The following ZNF486 variants were observed in gnomAD, a reference collection of about 807,000 sequenced individuals.
ZNF486 encodes zinc finger protein 486, also known as KRAB box only protein 2.
A neutral mutation model predicts 12.8 loss-of-function variants in ZNF486; 12 were observed. The ratio of observed to expected loss-of-function variants is 0.94; its 90% CI spans 0.60 to 1.52. ZNF486 has a LOEUF of 1.52. ZNF486 is among the 40% of genes most tolerant of loss of function. The pLI is 0.00. For missense variants in ZNF486, 738 were observed against 545.0 expected (o/e 1.35, Z -3.53); for synonymous variants, 231 against 184.9 (o/e 1.25, Z -2.02).
chr19:20,170,125 CTGACCTT>C (rs1401461321), intron 1 of ZNF486, among the ~76,000 whole-genome samples: 391 of 151,204 alleles, frequency 2.6e-3, no homozygotes, highest in Middle Eastern at 0.01. Flanking sequence ...CTCCTGACCT[CTGACCTT>C]GTGATCCGCC....
At chr19:20,177,955 C>G (rs2089740975) in intron 1 of ZNF486, among the ~76,000 whole-genome samples, 1 of 130,602 alleles carries the variant, frequency 7.7e-6, no homozygotes, top group Non-Finnish European at 1.6e-5. Context: ...GAGACGAAGT[C>G]TCTCATCCCC....
intron 1 of ZNF486, among the ~76,000 whole-genome samples, chr19:20,173,493 G>A (rs1488316927): frequency 6.6e-6 from 1 of 152,006 alleles, no homozygotes; most frequent in East Asian, 1.9e-4. Context: ...AGCGCATACA[G>A]TATGCAAAAC....
intron 1 of ZNF486, chr19:20,175,445 G>T (rs1555714564): frequency 1.3e-5 from 2 of 151,084 alleles, no homozygotes; most frequent in African/African-American, 5.0e-5. Context: ...AGTGAACAAA[G>T]GTCTCTGGTT....
intron 3 of ZNF486, among the ~76,000 whole-genome samples, chr19:20,190,024 A>G (rs2089887267): frequency 6.6e-6 from 1 of 152,230 alleles, no homozygotes; most frequent in African/African-American, 2.4e-5. Context: ...CAGTGTTGAT[A>G]TTCAGTTTTC....
intron 3 of ZNF486, among the ~76,000 whole-genome samples, chr19:20,196,309 C>A (rs118168793): frequency 1.3e-5 from 2 of 152,176 alleles, no homozygotes; most frequent in East Asian, 1.9e-4. Flanking sequence ...AGCTATCATG[C>A]CTTGTTGGCA....
intron 1 of ZNF486, among the ~76,000 whole-genome samples, chr19:20,168,482 C>T (rs1311012629): frequency 2.6e-5 from 4 of 152,100 alleles, no homozygotes; most frequent in East Asian, 3.9e-4. Context: ...TGGAGAAACC[C>T]TGTCTCTATT....
intron 1 of ZNF486, among the ~76,000 whole-genome samples, chr19:20,180,245 A>T (rs1187093404): frequency 6.6e-6 from 1 of 152,174 alleles, no homozygotes; most frequent in Non-Finnish European, 1.5e-5. Context: ...CTCATACAAG[A>T]GGTGCCTTTT....
At chr19:20,168,447 G>A (rs1258987983) in intron 1 of ZNF486, among the ~76,000 whole-genome samples, 3 of 152,176 alleles carry the variant, frequency 2.0e-5, no homozygotes, top group African/African-American at 4.8e-5. Context: ...CTGAGTTCGG[G>A]AGTTCGAGAC....
chr19:20,182,260 C>G (rs2089795676), intron 1 of ZNF486, among the ~76,000 whole-genome samples: 1 of 152,150 alleles, frequency 6.6e-6, no homozygotes, highest in Admixed American at 6.5e-5. Flanking sequence ...TTCATGGACC[C>G]TTTTCAAGCC....
intron 1 of ZNF486, among the ~76,000 whole-genome samples, chr19:20,182,602 G>A (rs1333019512): frequency 6.6e-6 from 1 of 152,198 alleles, no homozygotes; most frequent in African/African-American, 2.4e-5. Flanking sequence ...GTTTGGTACA[G>A]ACAGGTCAGT....
chr19:20,175,807 A>C (rs926720777), intron 1 of ZNF486, among the ~76,000 whole-genome samples: 7 of 152,180 alleles, frequency 4.6e-5, no homozygotes, highest in East Asian at 1.9e-4. Context: ...TCCACAAAAC[A>C]GCCATTGTCA....
At position 20,197,771 on chromosome 19, in the gene ZNF486, A is replaced by C. The variant is rs572745140; in HGVS notation, c.1061A>C (p.Glu354Ala). 1.9e-5 allele frequency: 31 copies of C among 1,613,954 alleles called. No homozygotes were observed. The highest frequency in any genetic ancestry group is 1.6e-4 in the Middle Eastern group (1 of 6,062). Residue 354 changes from glutamate to alanine, a missense_variant, in exon 4 of 4, where the codon GAA becomes GCA. Physicochemically the swap from Glu to Ala is moderately radical, Grantham distance 107. Transcript: ENST00000335117. The stretch of plus-strand genomic sequence containing the variant: ...GGAGAGAAACCCTACAAATGTGAAG[A>C]ATGTGGCAAAGCCTTCACCCGCTCC... ...HTGEKPYKCE[E>A]CGKAFTRSSH... is the part of the protein sequence containing the mutation.
chr19:20,179,168 A>C (rs888930714), intron 1 of ZNF486, among the ~76,000 whole-genome samples: 3 of 152,250 alleles, frequency 2.0e-5, no homozygotes, highest in Non-Finnish European at 2.9e-5. Flanking sequence ...GTATTCATCT[A>C]TTGAAACTGT....
At chr19:20,190,235 A>C (rs1451428274) in intron 3 of ZNF486, among the ~76,000 whole-genome samples, 2 of 152,188 alleles carry the variant, frequency 1.3e-5, no homozygotes, top group African/African-American at 4.8e-5. Context: ...GTGAAGAATA[A>C]AATTTTTTGA....
chr19:20,178,012 C>T (rs1442184721), intron 1 of ZNF486, among the ~76,000 whole-genome samples: 1 of 151,530 alleles, frequency 6.6e-6, no homozygotes, highest in Non-Finnish European at 1.5e-5. Flanking sequence ...CAACCTCTGC[C>T]TCCTGGGTTC....
chr19:20,169,409 A>C (rs1241102572), intron 1 of ZNF486, among the ~76,000 whole-genome samples: 2 of 152,128 alleles, frequency 1.3e-5, no homozygotes, highest in African/African-American at 4.8e-5. Context: ...GCGCCCGGCC[A>C]ACAGGAGGTT....
intron 1 of ZNF486, chr19:20,176,951 A>G (rs2089725375): frequency 6.6e-6 from 1 of 152,126 alleles, no homozygotes; most frequent in Non-Finnish European, 1.5e-5. Context: ...ATTCAGCAGT[A>G]TTTTTTCCTT....
chr19:20,173,518 G>A (rs1220727336), intron 1 of ZNF486, among the ~76,000 whole-genome samples: 1 of 152,026 alleles, frequency 6.6e-6, no homozygotes, highest in African/African-American at 2.4e-5. Context: ...GTGTCCAAGA[G>A]TTCAAAACTC....
rs782365805 is a variant in ZNF486 at position 20,197,560 on chromosome 19, C to T, written c.850C>T (p.His284Tyr). The change falls in exon 4 of 4, where the codon CAT becomes TAT. Residue 284 changes from histidine to tyrosine, a missense_variant. Coordinates refer to ENST00000335117, the MANE Select transcript of ZNF486 (RefSeq NM_052852.4). ...AFMYPYTLTTHKIIHTGEQPY... is the reference protein window; with the variant it reads ...AFMYPYTLTTYKIIHTGEQPY... The stretch of plus-strand genomic sequence containing the variant: ...TATGTACCCCTATACCCTTACTACA[C>T]ATAAGATAATCCATACTGGAGAGCA... The T allele has an allele frequency of 3.3e-5, 54 of 1,613,446 alleles. No individual in the cohort carries two copies. Among genetic ancestry groups the T allele is most frequent in the Non-Finnish European group, 3.9e-5 (46 of 1,179,746 alleles).
Sources: gnomAD v4.1 joint callset for allele counts (sites outside exome capture counted in the v4.1 genomes callset) on GRCh38, gnomAD v4.1.1 for gene constraint, MANE v1.5 for transcripts, NCBI Gene and HGNC (gene_info 2026-07-23, HGNC 2026-07-21) for gene names.